TMLHE: variants seen among roughly 807,000 people sequenced by gnomAD.
TMLHE encodes trimethyllysine hydroxylase, epsilon.
TMLHE carries 18 observed loss-of-function variants against 25.7 expected under a neutral mutation model. The ratio of observed to expected loss-of-function variants is 0.70; its 90% CI spans 0.48 to 1.04. The LOEUF is 1.04. TMLHE is among the 50% of genes least tolerant of loss of function. TMLHE has a pLI of 0.00. For missense variants in TMLHE, 236 were observed against 259.0 expected (o/e 0.91, Z 0.61); for synonymous variants, 105 against 97.0 (o/e 1.08, Z -0.49).
intron 2 of TMLHE, among the ~76,000 whole-genome samples, chrX:155,537,471 A>G (rs782492803): frequency 2.7e-5 from 3 of 110,926 alleles, no homozygotes; most frequent in East Asian, 5.7e-4. Flanking sequence ...CAAAATTTTC[A>G]TTTAAAACAT....
At chrX:155,524,912 T>A (rs182821801) in intron 2 of TMLHE, among the ~76,000 whole-genome samples, 16 of 111,877 alleles carry the variant, frequency 1.4e-4, no homozygotes, top group Admixed American at 6.6e-4. Context: ...ACAGCAAAAG[T>A]CATTGAGGAA....
Position 155,553,199 on chromosome X carries a change from T to C in TMLHE, c.-1-7922A>G, listed in dbSNP as rs1216522083. On this transcript the variant is annotated intron_variant, in intron 1 of 7. Coordinates refer to ENST00000334398, the MANE Select transcript of TMLHE (RefSeq NM_018196.4). ...CTATATATGTCAATTAGGTCAAGTT[T>C]GTTAATATTACTGTCCAACTCTTCT... is the stretch of plus-strand genomic sequence containing the variant. Among the ~76,000 whole-genome samples, 3 of 110,939 alleles carry C rather than the reference T, an allele frequency of 2.7e-5. 1 individual carries two copies. Among genetic ancestry groups the C allele is most frequent in the Middle Eastern group, 9.3e-3 (2 of 214 alleles).
intron 1 of TMLHE, among the ~76,000 whole-genome samples, chrX:155,548,460 G>GATTT (rs2124420161): frequency 1.8e-5 from 2 of 110,801 alleles, no homozygotes; most frequent in East Asian, 5.7e-4. Flanking sequence ...TACAGGCTGG[G>GATTT]CACGGTGGCT....
intron 1 of TMLHE, among the ~76,000 whole-genome samples, chrX:155,579,482 CA>C (rs782342524): frequency 2.4e-3 from 272 of 111,961 alleles, no homozygotes; most frequent in African/African-American, 8.6e-3. Context: ...ACAAAGGTGA[CA>C]AAAACACACA....
At chrX:155,523,065 A>G (rs2067198110) in intron 3 of TMLHE, among the ~76,000 whole-genome samples, 1 of 111,589 alleles carries the variant, frequency 9.0e-6, no homozygotes, top group East Asian at 2.8e-4. Context: ...ATGTAGTGCA[A>G]TCTCATTGTG....
chrX:155,540,704 A>C (rs1233426273), intron 2 of TMLHE, among the ~76,000 whole-genome samples: 1 of 111,832 alleles, frequency 8.9e-6, no homozygotes, highest in African/African-American at 3.2e-5. Context: ...ATAATTATAG[A>C]TCTATGTTAA....
At chrX:155,600,903 C>T (rs1428995928) in intron 1 of TMLHE, among the ~76,000 whole-genome samples, 4 of 111,884 alleles carry the variant, frequency 3.6e-5, no homozygotes, top group African/African-American at 1.3e-4. Flanking sequence ...TTAAGCATAA[C>T]ATATGAACAA....
intron 1 of TMLHE, among the ~76,000 whole-genome samples, chrX:155,574,386 G>A (rs2067577402): frequency 1.8e-5 from 2 of 112,068 alleles, no homozygotes; most frequent in African/African-American, 6.5e-5. Context: ...TAAACAGCCT[G>A]AACTTTGAAT....
intron 5 of TMLHE, among the ~76,000 whole-genome samples, chrX:155,507,691 A>G (rs781965081): frequency 1.8e-5 from 2 of 109,698 alleles, no homozygotes; most frequent in Admixed American, 2.0e-4. Flanking sequence ...AAAGATACCA[A>G]TGTAAAACAA....
chrX:155,549,488 G>T (rs1557339683), intron 1 of TMLHE, among the ~76,000 whole-genome samples: 1 of 109,755 alleles, frequency 9.1e-6, no homozygotes, highest in Non-Finnish European at 1.9e-5. Flanking sequence ...TTATTTTATG[G>T]CTTGTTGCTT....
At chrX:155,555,930 C>T (rs782661881) in intron 1 of TMLHE, among the ~76,000 whole-genome samples, 1 of 109,728 alleles carries the variant, frequency 9.1e-6, no homozygotes, top group Non-Finnish European at 1.9e-5. Flanking sequence ...GTGTTTTAGT[C>T]ATGAAGTCCT....
chrX:155,545,828 G>A (rs1738079586), intron 1 of TMLHE, among the ~76,000 whole-genome samples: 1 of 111,181 alleles, frequency 9.0e-6, no homozygotes, highest in African/African-American at 3.3e-5. Context: ...ATATAGCCTG[G>A]ACGTGTAGTA....
chrX:155,575,280 G>A (rs1225785522), intron 1 of TMLHE, among the ~76,000 whole-genome samples: 1 of 111,929 alleles, frequency 8.9e-6, no homozygotes, highest in Non-Finnish European at 1.9e-5. Context: ...GATTACCTCT[G>A]TAAAGACCTT....
At chrX:155,521,731 G>A (rs782580713) in intron 3 of TMLHE, among the ~76,000 whole-genome samples, 102 of 40,320 alleles carry the variant, frequency 2.5e-3, no homozygotes, top group African/African-American at 9.3e-3. Flanking sequence ...GTGGTGCGCC[G>A]TTTCTTAAGC....
rs1392121789 is a variant in TMLHE, at chrX:155,572,120, A to G, written c.-1-26843T>C. On this transcript the variant is annotated intron_variant, in intron 1 of 7. Coordinates refer to ENST00000334398, the MANE Select transcript of TMLHE (RefSeq NM_018196.4). ...CAGCCCAAAATCTCCTTAAGCTGAT[A>G]AGCAACTTCAGCAAAGTCTCAGGAT... is the stretch of plus-strand genomic sequence containing the variant. 3.6e-5 allele frequency among the ~76,000 whole-genome samples: 2 copies of G among 55,402 alleles called. 1 individual carries two copies. Among genetic ancestry groups the G allele is most frequent in the Non-Finnish European group, 9.3e-5 (2 of 21,517 alleles). The allele number at this position is 55,402 out of a possible 115,157, so 48.1% of individuals were successfully genotyped here.
At chrX:155,534,849 A>G (rs1201743361) in intron 2 of TMLHE, among the ~76,000 whole-genome samples, 1 of 111,933 alleles carries the variant, frequency 8.9e-6, no homozygotes, top group Non-Finnish European at 1.9e-5. Context: ...CCCTAAGTCC[A>G]TATGTTAAAG....
In TMLHE at chrX:155,550,789, G is replaced by C. The variant is rs138602163; in HGVS notation, c.-1-5512C>G. On this transcript the variant is annotated intron_variant, in intron 1 of 7. Coordinates refer to ENST00000334398, the MANE Select transcript of TMLHE (RefSeq NM_018196.4). ...TTCTGATGATCCGGCCCTGCCCCTA[G>C]AGACTGTGATTAAATATTTTGAGTG... 9.7e-4 allele frequency among the ~76,000 whole-genome samples: 107 copies of C among 110,460 alleles called. 3 individuals carry two copies. Among genetic ancestry groups the C allele is most frequent in the African/African-American group, 3.3e-3 (100 of 29,941 alleles).
chrX:155,514,352 T>A, intron 3 of TMLHE, 87 bp from the exon 4 acceptor site: 1 of 974,056 alleles, frequency 1.0e-6, no homozygotes, highest in Non-Finnish European at 1.4e-6. Context: ...AGAATCTTTT[T>A]CCTAGCAATC....
intron 6 of TMLHE, among the ~76,000 whole-genome samples, chrX:155,504,567 T>G (rs1396699228): frequency 9.0e-6 from 1 of 110,632 alleles, no homozygotes; most frequent in African/African-American, 3.3e-5. Context: ...CAGCTACAAT[T>G]CATACATTGT....
Sources: gnomAD v4.1 joint callset for allele counts (sites outside exome capture counted in the v4.1 genomes callset) on GRCh38, gnomAD v4.1.1 for gene constraint, MANE v1.5 for transcripts, NCBI Gene and HGNC (gene_info 2026-07-23, HGNC 2026-07-21) for gene names.